Variants in ATF2 observed in about 807,000 individuals in gnomAD.
ATF2 encodes activating transcription factor 2.
In ATF2, 24 loss-of-function variants were observed where a neutral mutation model predicts 60.6. The observed-to-expected ratio is 0.40, with a 90% CI of 0.29 to 0.56. The LOEUF (loss-of-function observed/expected upper bound fraction) is 0.56, where lower values mean the gene tolerates loss of function less well. Ranked by LOEUF, ATF2 falls within the 20% of genes least tolerant of loss-of-function variation. The pLI is 0.54. For synonymous variants in ATF2, 206 were observed against 215.4 expected, an observed-to-expected ratio of 0.96 and a Z score of 0.38; for missense variants, 433 against 607.7, an observed-to-expected ratio of 0.71 and a Z score of 3.02.
intron 10 of ATF2, among the ~76,000 whole-genome samples, chr2:175,105,955 A>C (rs1202373727): frequency 6.6e-6 from 1 of 152,230 alleles, no homozygotes; most frequent in African/African-American, 2.4e-5. Flanking sequence ...AAAGTATAGC[A>C]TATCAAAATT....
intron 13 of ATF2, among the ~76,000 whole-genome samples, chr2:175,076,583 A>G (rs1693313587): frequency 6.6e-6 from 1 of 152,086 alleles, no homozygotes; most frequent in Non-Finnish European, 1.5e-5. Context: ...TTTTCTGATC[A>G]AGCAGTAATG....
intron 4 of ATF2, among the ~76,000 whole-genome samples, chr2:175,124,793 T>C (rs1238599013): frequency 1.3e-5 from 2 of 152,002 alleles, no homozygotes; most frequent in Non-Finnish European, 2.9e-5. Flanking sequence ...AAGAAACATT[T>C]TTCAATGACG....
Position 175,146,091 on chromosome 2 carries a change from A to C in ATF2, c.-44+4969T>G, listed in dbSNP as rs371627698. 4.6e-5 allele frequency among the ~76,000 whole-genome samples: 7 copies of C among 152,188 alleles called. No individual in the cohort carries two copies. The East Asian group carries it at 1.2e-3, about 25-fold the overall frequency. On this transcript the variant is annotated intron_variant, in intron 2 of 13. Transcript: ENST00000264110. Reference sequence around the variant, plus strand: ...TCATGTGCCACTGATAGAATGTAATAAGAATGTAACAGCATCACTTCTATA... The same window carrying C: ...TCATGTGCCACTGATAGAATGTAATCAGAATGTAACAGCATCACTTCTATA...
intron 1 of ATF2, among the ~76,000 whole-genome samples, chr2:175,158,583 TG>T (rs202032925): frequency 6.6e-6 from 1 of 152,036 alleles, no homozygotes; most frequent in Non-Finnish European, 1.5e-5. Context: ...AGCAAACGTC[TG>T]GGGGGAACAC....
At chr2:175,129,736 C>A (rs924698196) in intron 4 of ATF2, among the ~76,000 whole-genome samples, 2 of 151,974 alleles carry the variant, frequency 1.3e-5, no homozygotes, top group Non-Finnish European at 2.9e-5. Flanking sequence ...ATTAGTGATA[C>A]TCTAAGAAGT....
chr2:175,142,226 G>A (rs1244056522), intron 2 of ATF2, among the ~76,000 whole-genome samples: 5 of 135,838 alleles, frequency 3.7e-5, no homozygotes, highest in Admixed American at 1.7e-4. Context: ...CGCTCTTGTC[G>A]CCCAGGCTGG....
intron 4 of ATF2, among the ~76,000 whole-genome samples, chr2:175,128,200 T>TA (rs1697473396): frequency 6.6e-6 from 1 of 152,210 alleles, no homozygotes; most frequent in African/African-American, 2.4e-5. Context: ...CCGTATTTTT[T>TA]AAAAACTTAG....
At chr2:175,167,749 C>T in intron 1 of ATF2, 1 of 473,062 alleles carries the variant, frequency 2.1e-6, no homozygotes, top group South Asian at 1.5e-5. Flanking sequence ...TAAGAGGGAG[C>T]CGTTATTCCT....
chr2:175,120,005 T>C (rs765171755), intron 5 of ATF2, among the ~76,000 whole-genome samples: 1 of 151,666 alleles, frequency 6.6e-6, no homozygotes, highest in Non-Finnish European at 1.5e-5. Flanking sequence ...TGCATAGTAA[T>C]GTTAACCTAT....
At chr2:175,158,850 A>G (rs1699846054) in intron 1 of ATF2, among the ~76,000 whole-genome samples, 1 of 152,216 alleles carries the variant, frequency 6.6e-6, no homozygotes, top group Non-Finnish European at 1.5e-5. Flanking sequence ...AACATATGTA[A>G]AATACACAGA....
At chr2:175,098,954 G>C (rs1234378940) in intron 10 of ATF2, among the ~76,000 whole-genome samples, 3 of 152,122 alleles carry the variant, frequency 2.0e-5, no homozygotes, top group African/African-American at 7.2e-5. Context: ...ACAAATGTTA[G>C]TGGACATTTT....
At chr2:175,114,188 T>G (rs774129082) in intron 8 of ATF2, 80 bp from the exon 9 acceptor site, 7 of 1,457,496 alleles carry the variant, frequency 4.8e-6, no homozygotes, top group African/African-American at 1.5e-5. Context: ...GTATTTTTAC[T>G]CCTATAATCA....
At chr2:175,167,624 A>T in intron 1 of ATF2, 1 of 490,396 alleles carries the variant, frequency 2.0e-6, no homozygotes, top group Non-Finnish European at 4.2e-6. Context: ...CTCCCCGCCC[A>T]ACCCAAGGAC....
chr2:175,165,942 G>A (rs1026608704), intron 1 of ATF2, among the ~76,000 whole-genome samples: 1 of 152,118 alleles, frequency 6.6e-6, no homozygotes, highest in Non-Finnish European at 1.5e-5. Flanking sequence ...GGCATTACAG[G>A]CATGAGCCAC....
At chr2:175,122,787 T>C (rs923027180) in intron 4 of ATF2, among the ~76,000 whole-genome samples, 7 of 151,940 alleles carry the variant, frequency 4.6e-5, no homozygotes, top group Admixed American at 3.9e-4. Flanking sequence ...AAGTACTCAA[T>C]AAATGCTAAC....
At chr2:175,084,415 G>A (rs1693997051) in intron 12 of ATF2, among the ~76,000 whole-genome samples, 1 of 145,746 alleles carries the variant, frequency 6.9e-6, no homozygotes, top group African/African-American at 2.6e-5. Flanking sequence ...AACACCACAT[G>A]TTCTCACTCA....
chr2:175,165,197 T>C (rs746721428), intron 1 of ATF2, among the ~76,000 whole-genome samples: 20 of 152,348 alleles, frequency 1.3e-4, no homozygotes, highest in Middle Eastern at 3.4e-3. Context: ...TTGACTTTTA[T>C]AAAAATCAGT....
chr2:175,121,417 A>C (rs758040179), intron 5 of ATF2, 27 bp downstream of exon 5: 1 of 1,496,174 alleles, frequency 6.7e-7, no homozygotes, highest in South Asian at 1.2e-5. Context: ...ATATGTATAC[A>C]AGCTATTAAT....
chr2:175,085,810 G>T (rs767995414), intron 12 of ATF2, among the ~76,000 whole-genome samples: 3 of 152,110 alleles, frequency 2.0e-5, no homozygotes, highest in Non-Finnish European at 4.4e-5. Context: ...TTGCTACAAC[G>T]TATATTTGTG....
Sources: gnomAD v4.1 joint callset for allele counts (sites outside exome capture counted in the v4.1 genomes callset) on GRCh38, gnomAD v4.1.1 for gene constraint, MANE v1.5 for transcripts, NCBI Gene and HGNC (gene_info 2026-07-23, HGNC 2026-07-21) for gene names.